The following MED12L variants were observed in gnomAD, a reference collection of about 807,000 sequenced individuals.
MED12L encodes mediator of RNA polymerase II transcription subunit 12-like protein.
A neutral mutation model predicts 281.3 loss-of-function variants in MED12L; 60 were observed. That is an observed-to-expected ratio of 0.21 (90% CI 0.17 to 0.26). The LOEUF is 0.26. Among genes scored for constraint, MED12L ranks in the 10% least tolerant of loss-of-function variants. MED12L has a pLI of 1.00. For synonymous variants in MED12L, 974 were observed against 987.2 expected, an observed-to-expected ratio of 0.99 and a Z score of 0.25; for missense variants, 2,146 against 2,680.9, an observed-to-expected ratio of 0.80 and a Z score of 4.41.
At chr3:151,399,574 A>G (rs1715402107) in intron 39 of MED12L, among the ~76,000 whole-genome samples, 1 of 152,202 alleles carries the variant, frequency 6.6e-6, no homozygotes, top group Non-Finnish European at 1.5e-5. Flanking sequence ...TACTTGAGAG[A>G]CTTATTCCAA....
At position 151,086,948 on chromosome 3, in the gene MED12L, A is replaced by T; in HGVS notation, c.22A>T (p.Ser8Cys). 6.2e-7 allele frequency: 1 copy of T among 1,606,010 alleles called. No individual in the cohort carries two copies. Among genetic ancestry groups the T allele is most frequent in the Non-Finnish European group, 8.5e-7 (1 of 1,177,004 alleles). Residue 8 changes from serine (S) to cysteine (C), a missense_variant, in exon 2 of 45, where the codon AGC becomes TGC. Transcript: ENST00000687756. MAAFGLL[S>C]YEQRPLKRPR... ...GATCATGGCCGCCTTCGGGCTTCTCAGCTATGAGCAGAGACCGCTGAAGCG... is the reference window on the plus strand; with the variant it reads ...GATCATGGCCGCCTTCGGGCTTCTCTGCTATGAGCAGAGACCGCTGAAGCG...
intron 37 of MED12L, among the ~76,000 whole-genome samples, chr3:151,388,770 A>G (rs1713804860): frequency 6.6e-6 from 1 of 152,244 alleles, no homozygotes; most frequent in African/African-American, 2.4e-5. Context: ...TTCCCCACGT[A>G]TAATAATCTT....
At position 151,181,576 on chromosome 3, in the gene MED12L, C is replaced by CTTTTTTTT. The variant is rs57658133; in HGVS notation, c.1495-3734_1495-3727dup. ...CATGCCACTGTACTTAGCTCATTGTCTTTTTTTTTTTTTTTTTTTTTTTTT... is the reference window on the plus strand; with the variant it reads ...CATGCCACTGTACTTAGCTCATTGTCTTTTTTTTTTTTTTTTTTTTTTTTTTTTTTTTT... On this transcript the variant is annotated intron_variant, in intron 11 of 44. Coordinates refer to ENST00000687756, the MANE Select transcript of MED12L (RefSeq NM_001393769.1). 5.7e-4 allele frequency among the ~76,000 whole-genome samples: 27 copies of CTTTTTTTT among 47,096 alleles called. 1 individual carries two copies. Among genetic ancestry groups the CTTTTTTTT allele is most frequent in the African/African-American group, 1.8e-3 (26 of 14,072 alleles). 30.9% of individuals were successfully genotyped at this position (47,096 alleles called of 152,430 possible).
intron 39 of MED12L, among the ~76,000 whole-genome samples, chr3:151,402,706 T>C (rs1219628098): frequency 6.6e-6 from 1 of 152,234 alleles, no homozygotes; most frequent in Non-Finnish European, 1.5e-5. Context: ...GCTATTCTAG[T>C]ATATGAATAT....
At chr3:151,383,688 TA>T in intron 33 of MED12L, 90 bp from the exon 34 acceptor site, 1 of 778,228 alleles carries the variant, frequency 1.3e-6, no homozygotes. Context: ...TTTTTTTAAA[TA>T]AAAAACAATC....
rs777874647 is a variant in MED12L at position 151,416,370 on chromosome 3, A to G, written c.6356A>G (p.Gln2119Arg). 4.4e-6 allele frequency: 7 copies of G among 1,599,568 alleles called. No homozygotes were observed. In the East Asian group the frequency reaches 1.1e-4, roughly 26 times the overall value. Residue 2119 changes from glutamine to arginine, a missense_variant, in exon 43 of 45, where the codon CAG (glutamine) becomes CGG (arginine). Coordinates refer to ENST00000687756, the MANE Select transcript of MED12L (RefSeq NM_001393769.1). ...CCTCCCCAGCCCCAGCAGTCCTCGCAGTCCCAGAGTCAGACCCTTGGTCTC... is the reference window on the plus strand; with the variant it reads ...CCTCCCCAGCCCCAGCAGTCCTCGCGGTCCCAGAGTCAGACCCTTGGTCTC... ...QQPPQPQQSSQSQSQTLGLQA... is the reference protein window; with the variant it reads ...QQPPQPQQSSRSQSQTLGLQA...
intron 16 of MED12L, among the ~76,000 whole-genome samples, chr3:151,240,956 T>G (rs773509983): frequency 9.9e-5 from 15 of 152,174 alleles, no homozygotes; most frequent in Non-Finnish European, 2.2e-4. Context: ...ATTTGCTAAT[T>G]GGTGAAACAG....
intron 39 of MED12L, among the ~76,000 whole-genome samples, chr3:151,401,309 A>G (rs964920756): frequency 2.0e-5 from 3 of 151,848 alleles, no homozygotes; most frequent in Non-Finnish European, 2.9e-5. Flanking sequence ...TAACTGTTAC[A>G]GTAAACATTC....
intron 16 of MED12L, among the ~76,000 whole-genome samples, chr3:151,306,906 T>G (rs1746737839): frequency 6.6e-6 from 1 of 152,200 alleles, no homozygotes; most frequent in Non-Finnish European, 1.5e-5. Flanking sequence ...TCAATATCTT[T>G]GCTATCTGTC....
chr3:151,242,244 G>C (rs6440729), intron 16 of MED12L, among the ~76,000 whole-genome samples: 12 of 152,216 alleles, frequency 7.9e-5, no homozygotes, highest in East Asian at 1.9e-4. Context: ...CAAAGCAGCC[G>C]GGAAGCTCAA....
At chr3:151,419,174 A>G (rs946111765) in intron 43 of MED12L, among the ~76,000 whole-genome samples, 1 of 152,240 alleles carries the variant, frequency 6.6e-6, no homozygotes, top group African/African-American at 2.4e-5. Flanking sequence ...ATGTTTCTGC[A>G]TTTAGCAGTT....
intron 16 of MED12L, among the ~76,000 whole-genome samples, chr3:151,344,639 A>T (rs1282458035): frequency 2.0e-5 from 3 of 152,238 alleles, no homozygotes; most frequent in Non-Finnish European, 4.4e-5. Context: ...GAAGTAGAGC[A>T]TGCAAAAATT....
At chr3:151,167,340 G>A (rs1161726843) in intron 11 of MED12L, among the ~76,000 whole-genome samples, 3 of 152,178 alleles carry the variant, frequency 2.0e-5, no homozygotes, top group East Asian at 3.9e-4. Context: ...TCCAGCCTGT[G>A]CTAGGCACTA....
rs201555870 is a variant in MED12L at position 151,383,694 on chromosome 3, A to ACAAT, written c.4681-81_4681-78dup. On this transcript the variant is annotated intron_variant, in intron 33 of 44. Coordinates refer to ENST00000687756, the MANE Select transcript of MED12L (RefSeq NM_001393769.1). Reference sequence around the variant, plus strand: ...CATCCCTTGTTTTTTTAAATAAAAAACAATCAAAATTTGATAACATAAAGC... The same window carrying ACAAT: ...CATCCCTTGTTTTTTTAAATAAAAAACAATCAATCAAAATTTGATAACATAAAGC... 719 of 819,576 alleles carry ACAAT rather than the reference A, an allele frequency of 8.8e-4. 5 individuals carry two copies. The East Asian group carries it at 0.017, about 20-fold the overall frequency. 50.8% of individuals were successfully genotyped at this position (819,576 alleles called of 1,614,324 possible). A position where few individuals can be genotyped will look rare whatever the true frequency, so the allele number is the denominator to read the frequency against.
chr3:151,376,633 G>A (rs1210786554), intron 28 of MED12L, among the ~76,000 whole-genome samples, 167 bp from the exon 29 acceptor site: 4 of 152,050 alleles, frequency 2.6e-5, no homozygotes, highest in African/African-American at 9.7e-5. Flanking sequence ...GGTTTGTATC[G>A]CTACTGAATA....
rs771632121 is a variant in MED12L, at chr3:151,165,538, G to T, written c.1357+19G>T. Reference sequence around the variant, plus strand: ...ACAGCAGGTACAGAATGCCACAGAGGAACGAGTGCTTTTGAATGTTGGACT... The same window carrying T: ...ACAGCAGGTACAGAATGCCACAGAGTAACGAGTGCTTTTGAATGTTGGACT... On this transcript the variant is annotated intron_variant, in intron 10 of 44. Transcript: ENST00000687756. 1.3e-6 allele frequency: 2 copies of T among 1,585,102 alleles called. No homozygotes were observed. The highest frequency in any genetic ancestry group is 1.7e-5 in the Admixed American group (1 of 59,902).
At chr3:151,254,992 T>G (rs897204015) in intron 16 of MED12L, among the ~76,000 whole-genome samples, 2 of 152,210 alleles carry the variant, frequency 1.3e-5, no homozygotes, top group Non-Finnish European at 2.9e-5. Flanking sequence ...TTTTGTAGTT[T>G]TCCCAGAAAC....
At chr3:151,131,287 C>CT (rs1246059999) in intron 5 of MED12L, among the ~76,000 whole-genome samples, 1 of 152,138 alleles carries the variant, frequency 6.6e-6, no homozygotes, top group Non-Finnish European at 1.5e-5. Context: ...ACAACTGAAA[C>CT]TTAAAACGAT....
At position 151,400,885 on chromosome 3, in the gene MED12L, A is replaced by T. The variant is rs141263372; in HGVS notation, c.5820+6018A>T. On this transcript the variant is annotated intron_variant, in intron 39 of 44. Coordinates refer to ENST00000687756, the MANE Select transcript of MED12L (RefSeq NM_001393769.1). ...GCACTTACTAGCTTTATTAAATAATATTCTTCCATAATGCTGTAGATTATT... is the reference window on the plus strand; with the variant it reads ...GCACTTACTAGCTTTATTAAATAATTTTCTTCCATAATGCTGTAGATTATT... Among the ~76,000 whole-genome samples, 195 of 152,300 alleles carry T rather than the reference A, an allele frequency of 1.3e-3. 2 individuals carry two copies. Among genetic ancestry groups the T allele is most frequent in the African/African-American group, 4.3e-3 (178 of 41,566 alleles).
Sources: allele counts gnomAD v4.1 joint callset (sites outside exome capture counted in the v4.1 genomes callset), GRCh38; gene constraint gnomAD v4.1.1; transcripts MANE v1.5; gene names NCBI Gene and HGNC (gene_info 2026-07-23, HGNC 2026-07-21).